Variants in P2RX4 observed in about 807,000 individuals in gnomAD.
The protein encoded by P2RX4 is P2X purinoceptor 4.
Under a neutral mutation model 48.0 loss-of-function variants are expected in P2RX4, and 37 were observed. The observed-to-expected ratio is 0.77, with a 90% confidence interval of 0.59 to 1.01. The LOEUF (loss-of-function observed/expected upper bound fraction) is 1.01, where lower values mean the gene tolerates loss of function less well. Ranked by LOEUF, P2RX4 falls within the 50% of genes least tolerant of loss-of-function variation. P2RX4 has a pLI of 0.00. For missense variants in P2RX4, 501 were observed against 521.4 expected, an observed-to-expected ratio of 0.96 and a Z score of 0.38; for synonymous variants, 200 against 199.7, an observed-to-expected ratio of 1.00 and a Z score of -0.01.
intron 1 of P2RX4, chr12:121,215,779 T>A (rs1886188343): frequency 6.6e-6 from 1 of 152,226 alleles, no homozygotes; most frequent in South Asian, 2.1e-4. Context: ...GCACAAATGA[T>A]CTTCCCCCCT....
chr12:121,222,423 GT>G, intron 4 of P2RX4: 2 of 386,616 alleles, frequency 5.2e-6, no homozygotes, highest in Non-Finnish European at 9.1e-6. Flanking sequence ...TTGTTTTTTT[GT>G]TTTTTTGAGC....
chr12:121,233,665 C>T lies in P2RX4; in HGVS notation c.*116C>T, dbSNP rs1435626112. ...TTTCTGGAATCTGATTGAGTCTCCA[C>T]TCCACAAGCACTCAGGGTTCCCCAG... On this transcript the variant is annotated 3_prime_UTR_variant, in exon 12 of 12. Coordinates refer to ENST00000337233, the MANE Select transcript of P2RX4 (RefSeq NM_002560.3). 3 of 1,546,648 alleles carry T rather than the reference C, an allele frequency of 1.9e-6. No individual in the cohort carries two copies. The highest frequency in any genetic ancestry group is 3.9e-5 in the Admixed American group (2 of 50,756).
Position 121,210,177 on chromosome 12 carries a change from T to C in P2RX4, c.13T>C (p.Cys5Arg), listed in dbSNP as rs1885711573. The C allele has an allele frequency of 6.6e-7, 1 of 1,522,486 alleles. No individual in the cohort carries two copies. Among genetic ancestry groups the C allele is most frequent in the Admixed American group, 2.1e-5 (1 of 47,196 alleles). The allele number at this position is 1,522,486 out of a possible 1,614,324, so 94.3% of individuals were successfully genotyped here. ...GGGCGGCGCGGCCATGGCGGGCTGC[T>C]GCGCCGCGCTGGCGGCCTTCCTGTT... MAGC[C>R]AALAAFLFEY... Residue 5 changes from cysteine to arginine, a missense_variant, in exon 1 of 12, where the codon TGC becomes CGC. Physicochemically the swap from Cys to Arg is radical, Grantham distance 180. Around this residue, in one of 3 missense-constraint regions of P2RX4, gnomAD observed 295 missense variants for 275.3 expected, o/e 1.07. Transcript: ENST00000337233.
At chr12:121,227,851 G>A (rs574639017) in intron 5 of P2RX4, among the ~76,000 whole-genome samples, 42 of 151,948 alleles carry the variant, frequency 2.8e-4, no homozygotes, top group African/African-American at 9.2e-4. Context: ...ACAGGGAGGC[G>A]GAGGTAGGAA....
intron 2 of P2RX4, among the ~76,000 whole-genome samples, chr12:121,221,487 G>A (rs1444932116): frequency 1.4e-5 from 2 of 148,094 alleles, no homozygotes; most frequent in African/African-American, 5.0e-5. Context: ...TCCGACTCCC[G>A]GGTTCAAGCA....
At chr12:121,221,169 TGTG>T (rs1886577724) in intron 2 of P2RX4, among the ~76,000 whole-genome samples, 3 of 103,030 alleles carry the variant, frequency 2.9e-5, no homozygotes, top group Non-Finnish European at 6.2e-5. Context: ...TGTGTGTTTG[TGTG>T]TGTGTGTGTG....
At position 121,228,984 on chromosome 12, in the gene P2RX4, G is replaced by C; in HGVS notation, c.769G>C (p.Val257Leu). ...CCAGGGAGGCATCATGGGCATCCAG[G>C]TCAACTGGGACTGCAACCTGGACAG... is the stretch of plus-strand genomic sequence containing the variant. ...AVEGGIMGIQ[V>L]NWDCNLDRAA... The change falls in exon 8 of 12, where the codon GTC becomes CTC. Residue 257 changes from valine to leucine, a missense_variant. By Grantham distance (32) the Val-to-Leu change is conservative. Around this residue, in one of 3 missense-constraint regions of P2RX4, gnomAD observed 197 missense variants for 219.5 expected, o/e 0.90. Coordinates refer to ENST00000337233, the MANE Select transcript of P2RX4 (RefSeq NM_002560.3). The C allele has an allele frequency of 6.2e-7, 1 of 1,614,074 alleles. No individual in the cohort carries two copies. The highest frequency in any genetic ancestry group is 8.5e-7 in the Non-Finnish European group (1 of 1,180,022).
rs961979886 is a variant in P2RX4 at position 121,216,812 on chromosome 12, C to G, written c.135-322C>G. 9.8e-6 allele frequency: 6 copies of G among 611,574 alleles called. No individual in the cohort carries two copies. In the African/African-American group the frequency reaches 1.1e-4, roughly 11 times the overall value. 37.9% of individuals were successfully genotyped at this position (611,574 alleles called of 1,614,324 possible). ...TCCAGCTTAGGCAACAAGAGCGAAACATCGTCTCAAAAAAAAAAAAAGAGA... is the reference window on the plus strand; with the variant it reads ...TCCAGCTTAGGCAACAAGAGCGAAAGATCGTCTCAAAAAAAAAAAAAGAGA... On this transcript the variant is annotated intron_variant, in intron 1 of 11. Transcript: ENST00000337233.
In P2RX4 at chr12:121,218,835, C is replaced by G. The variant is rs576181386; in HGVS notation, c.282+1554C>G. Among the ~76,000 whole-genome samples, 5 of 152,234 alleles carry G rather than the reference C, an allele frequency of 3.3e-5. No individual in the cohort carries two copies. In the East Asian group the frequency reaches 9.7e-4, roughly 29 times the overall value. On this transcript the variant is annotated intron_variant, in intron 2 of 11. Transcript: ENST00000337233. ...TGCAGCCCCTTGGCTCATCTCCAGACTGAAATTACCCTTAATTTGAAGTAG... is the reference window on the plus strand; with the variant it reads ...TGCAGCCCCTTGGCTCATCTCCAGAGTGAAATTACCCTTAATTTGAAGTAG...
intron 8 of P2RX4, among the ~76,000 whole-genome samples, chr12:121,230,775 T>C (rs1887291281): frequency 6.6e-6 from 1 of 152,064 alleles, no homozygotes. Context: ...AGCATGGAGC[T>C]AGGGTGCGGG....
At chr12:121,218,862 T>C (rs1409170543) in intron 2 of P2RX4, among the ~76,000 whole-genome samples, 1 of 152,100 alleles carries the variant, frequency 6.6e-6, no homozygotes, top group Non-Finnish European at 1.5e-5. Context: ...TTGAAGTAGA[T>C]AAGTGATAGG....
At chr12:121,212,392 C>G (rs927627151) in intron 1 of P2RX4, among the ~76,000 whole-genome samples, 1 of 64,450 alleles carries the variant, frequency 1.6e-5, no homozygotes, top group African/African-American at 6.3e-5. Context: ...AGCCTGGACA[C>G]AAGACCAGCC....
At position 121,232,573 on chromosome 12, in the gene P2RX4, T is replaced by C. The variant is rs1341358237; in HGVS notation, c.979-38T>C. 1 of 1,609,750 alleles carries C rather than the reference T, an allele frequency of 6.2e-7. No homozygotes were observed. Among genetic ancestry groups the C allele is most frequent in the Admixed American group, 1.7e-5 (1 of 60,020 alleles). On this transcript the variant is annotated intron_variant, in intron 9 of 11. Transcript: ENST00000337233. This position sits in a 1 kb window ranked among gnomAD's most constrained non-coding sequence, Gnocchi z 4.3. Reference sequence around the variant, plus strand: ...GGGACAAGGGGCCTCTCCCTGCCCCTGCAGAAACACTTTTTTTCTTTTTCG... The same window carrying C: ...GGGACAAGGGGCCTCTCCCTGCCCCCGCAGAAACACTTTTTTTCTTTTTCG...
At position 121,210,142 on chromosome 12, in the gene P2RX4, GA is replaced by G. The variant is rs915825189; in HGVS notation, c.-22del. On this transcript the variant is annotated 5_prime_UTR_variant, in exon 1 of 12. Coordinates refer to ENST00000337233, the MANE Select transcript of P2RX4 (RefSeq NM_002560.3). Reference sequence around the variant, plus strand: ...GGACTGGGACCCAGACCGACTAGGGGACTGGGAGCGGGCGGCGCGGCCATGG... The same window carrying G: ...GGACTGGGACCCAGACCGACTAGGGGCTGGGAGCGGGCGGCGCGGCCATGG... 1 of 1,516,134 alleles carries G rather than the reference GA, an allele frequency of 6.6e-7. No homozygotes were observed. Among genetic ancestry groups the G allele is most frequent in the African/African-American group, 1.4e-5 (1 of 69,534 alleles). 93.9% of individuals were successfully genotyped at this position (1,516,134 alleles called of 1,614,324 possible). A position where few individuals can be genotyped will look rare whatever the true frequency, so the allele number is the denominator to read the frequency against.
chr12:121,226,200 G>C (rs1179159113), intron 5 of P2RX4, among the ~76,000 whole-genome samples: 1 of 152,054 alleles, frequency 6.6e-6, no homozygotes, highest in Non-Finnish European at 1.5e-5. Context: ...GGACATCACT[G>C]TTGCAGATCT....
rs942525954 is a variant in P2RX4, at chr12:121,224,625, A to T, written c.524+1582A>T. 5.3e-5 allele frequency among the ~76,000 whole-genome samples: 8 copies of T among 151,584 alleles called. No individual in the cohort carries two copies. In the Admixed American group the frequency reaches 5.3e-4, roughly 10 times the overall value. ...TCAAAAAATAAAAATTTAAAAAAAT[A>T]AATAAATAAAAATTTAAAAATCAAC... On this transcript the variant is annotated intron_variant, in intron 5 of 11. Coordinates refer to ENST00000337233, the MANE Select transcript of P2RX4 (RefSeq NM_002560.3).
chr12:121,221,834 T>A, intron 2 of P2RX4, 79 bp from the exon 3 acceptor site: 1 of 1,205,214 alleles, frequency 8.3e-7, no homozygotes, highest in Non-Finnish European at 1.2e-6. Context: ...TGAGTTGTCC[T>A]CTTCAGTCAG....
intron 2 of P2RX4, among the ~76,000 whole-genome samples, chr12:121,219,615 G>GGATAGATAGATAGATA (rs60447163): frequency 7.1e-6 from 1 of 140,532 alleles, no homozygotes; most frequent in African/African-American, 2.8e-5. Context: ...ATGGATGGAT[G>GGATAGATAGATAGATA]GATAGATAGA....
intron 4 of P2RX4, 22 bp from the exon 5 acceptor site, chr12:121,222,925 C>G (rs769630629): frequency 1.3e-6 from 2 of 1,574,060 alleles, no homozygotes; most frequent in African/African-American, 2.7e-5. Flanking sequence ...ATGGGACCCC[C>G]CTGCCACCCT....
Sources: allele counts gnomAD v4.1 joint callset (sites outside exome capture counted in the v4.1 genomes callset), GRCh38; gene constraint gnomAD v4.1.1; regional missense constraint gnomAD v4.1.1; non-coding constraint Gnocchi (gnomAD v3.1); transcripts MANE v1.5; gene names NCBI Gene and HGNC (gene_info 2026-07-23, HGNC 2026-07-21).